NCAM2: variants seen among roughly 807,000 people sequenced by gnomAD.
NCAM2 encodes the protein neural cell adhesion molecule 2.
Under a neutral mutation model 98.1 loss-of-function variants are expected in NCAM2, and 30 were observed. The observed-to-expected ratio is 0.31, with a 90% confidence interval of 0.23 to 0.41. The LOEUF is 0.41. NCAM2 is among the 10% of genes least tolerant of loss of function. NCAM2 has a pLI of 1.00. For synonymous variants in NCAM2, 368 were observed against 342.4 expected, an observed-to-expected ratio of 1.07 and a Z score of -0.83; for missense variants, 867 against 1,005.8, an observed-to-expected ratio of 0.86 and a Z score of 1.87.
At chr21:21,095,489 T>TA (rs35258026) in intron 1 of NCAM2, among the ~76,000 whole-genome samples, 22 of 149,010 alleles carry the variant, frequency 1.5e-4, no homozygotes, top group Middle Eastern at 3.3e-3. Flanking sequence ...TTTACCTTTT[T>TA]AAAAAAAAAA....
At chr21:21,023,940 G>A (rs768858115) in intron 1 of NCAM2, among the ~76,000 whole-genome samples, 39 of 152,090 alleles carry the variant, frequency 2.6e-4, no homozygotes, top group Admixed American at 7.9e-4. Flanking sequence ...CTTTAATGTC[G>A]TATACTCATT....
intron 5 of NCAM2, among the ~76,000 whole-genome samples, chr21:21,319,708 T>C (rs2074323814): frequency 1.4e-5 from 1 of 71,726 alleles, no homozygotes. Context: ...TGCCTCTTAT[T>C]TTTTTTTTAT....
intron 1 of NCAM2, among the ~76,000 whole-genome samples, chr21:21,106,537 A>G (rs1170032737): frequency 6.6e-6 from 1 of 151,970 alleles, no homozygotes; most frequent in Non-Finnish European, 1.5e-5. Context: ...TACAAAGTTA[A>G]TTTCATTACA....
chr21:21,097,976 A>G (rs564278763), intron 1 of NCAM2, among the ~76,000 whole-genome samples: 5 of 18,980 alleles, frequency 2.6e-4, no homozygotes, highest in Admixed American at 1.5e-3. Flanking sequence ...AGGCAGTGTT[A>G]AATCACTGTA....
intron 15 of NCAM2, 51 bp from the exon 16 acceptor site, chr21:21,508,799 CT>C (rs1255792337): frequency 2.5e-4 from 256 of 1,020,134 alleles, no homozygotes; most frequent in East Asian, 2.1e-3. Flanking sequence ...AGGTTTAATA[CT>C]TTTTTTCCTT....
At chr21:21,172,179 A>G (rs1484836541) in intron 1 of NCAM2, among the ~76,000 whole-genome samples, 2 of 152,038 alleles carry the variant, frequency 1.3e-5, no homozygotes, top group East Asian at 1.9e-4. Flanking sequence ...AGGAATGACA[A>G]TATCATCAGT....
At chr21:21,406,270 A>C (rs901391897) in intron 9 of NCAM2, among the ~76,000 whole-genome samples, 1 of 152,232 alleles carries the variant, frequency 6.6e-6, no homozygotes, top group African/African-American at 2.4e-5. Flanking sequence ...ATGAAAAGTT[A>C]TTAAGAGGGA....
chr21:21,283,737 G>A (rs1007008255), intron 2 of NCAM2, among the ~76,000 whole-genome samples: 1 of 151,782 alleles, frequency 6.6e-6, no homozygotes. Flanking sequence ...TTGTAAGCTC[G>A]ACATTTTCAG....
chr21:21,095,006 T>C (rs990064715), intron 1 of NCAM2, among the ~76,000 whole-genome samples: 1 of 151,742 alleles, frequency 6.6e-6, no homozygotes. Context: ...TCTCTATATA[T>C]AGATTAGTTA....
intron 5 of NCAM2, among the ~76,000 whole-genome samples, chr21:21,320,015 C>T (rs1225877210): frequency 3.3e-5 from 5 of 152,114 alleles, no homozygotes; most frequent in South Asian, 2.1e-4. Context: ...TTGATCCTCA[C>T]GCTTCTACAG....
chr21:21,032,116 C>CT (rs2064697616), intron 1 of NCAM2, among the ~76,000 whole-genome samples: 1 of 152,134 alleles, frequency 6.6e-6, no homozygotes, highest in African/African-American at 2.4e-5. Flanking sequence ...GAAAAGAAAT[C>CT]TAGCTGTTCT....
chr21:21,420,137 A>C (rs891312951), intron 11 of NCAM2, among the ~76,000 whole-genome samples: 2 of 152,180 alleles, frequency 1.3e-5, no homozygotes, highest in Non-Finnish European at 2.9e-5. Flanking sequence ...ATATATTTTA[A>C]ACTTTTAGAC....
intron 1 of NCAM2, among the ~76,000 whole-genome samples, chr21:21,031,431 G>C (rs180925699): frequency 7.5e-4 from 114 of 152,270 alleles, no homozygotes; most frequent in Middle Eastern, 3.4e-3. Context: ...TCAGTCTAAA[G>C]TGGTTACTGT....
intron 1 of NCAM2, chr21:21,210,513 A>G: frequency 4.7e-6 from 6 of 1,282,058 alleles, no homozygotes; most frequent in Non-Finnish European, 6.1e-6. Flanking sequence ...AGGGTGTAAG[A>G]GACTTAAAGA....
chr21:21,138,507 A>G (rs181512555), intron 1 of NCAM2, among the ~76,000 whole-genome samples: 12 of 152,308 alleles, frequency 7.9e-5, no homozygotes, highest in Admixed American at 6.5e-4. Context: ...GGAATCAATG[A>G]TAACTGGAAG....
At chr21:21,154,257 T>C (rs917257121) in intron 1 of NCAM2, among the ~76,000 whole-genome samples, 3 of 151,856 alleles carry the variant, frequency 2.0e-5, no homozygotes, top group African/African-American at 4.8e-5. Context: ...GAAAGAAACA[T>C]TGTTATGGAA....
chr21:21,424,071 G>T (rs1249010124), intron 11 of NCAM2, among the ~76,000 whole-genome samples: 2 of 152,082 alleles, frequency 1.3e-5, no homozygotes, highest in African/African-American at 4.8e-5. Flanking sequence ...ATAACGGCAG[G>T]ATTCTTTAAC....
At chr21:21,082,217 G>T (rs1054228525) in intron 1 of NCAM2, among the ~76,000 whole-genome samples, 2 of 96,700 alleles carry the variant, frequency 2.1e-5, no homozygotes, top group Non-Finnish European at 1.7e-5. Flanking sequence ...GACAGAGTGA[G>T]AATCCTTTAA....
At chr21:21,087,361 C>CT (rs561122011) in intron 1 of NCAM2, among the ~76,000 whole-genome samples, 94 of 152,262 alleles carry the variant, frequency 6.2e-4, no homozygotes, top group South Asian at 5.2e-3. Flanking sequence ...AGAAAAAGGT[C>CT]TGAGTATTTT....
Sources: gnomAD v4.1 joint callset for allele counts (sites outside exome capture counted in the v4.1 genomes callset) on GRCh38, gnomAD v4.1.1 for gene constraint, MANE v1.5 for transcripts, NCBI Gene and HGNC (gene_info 2026-07-23, HGNC 2026-07-21) for gene names.